ATRX: variants seen among roughly 807,000 people sequenced by gnomAD.
The protein encoded by ATRX is chromatin remodeler ATRX.
Under a neutral mutation model 172.6 loss-of-function variants are expected in ATRX, and 12 were observed. The ratio of observed to expected loss-of-function variants is 0.07; its 90% confidence interval spans 0.04 to 0.11. The LOEUF (loss-of-function observed/expected upper bound fraction) is 0.11, where lower values mean the gene tolerates loss of function less well. Ranked by LOEUF, ATRX falls within the 10% of genes least tolerant of loss-of-function variation. ATRX has a pLI of 1.00. For synonymous variants in ATRX, 674 were observed against 594.7 expected, an observed-to-expected ratio of 1.13 and a Z score of -1.94; for missense variants, 1,368 against 1,767.4, an observed-to-expected ratio of 0.77 and a Z score of 4.05.
chrX:77,766,453 C>T (rs1196210101), intron 1 of ATRX, among the ~76,000 whole-genome samples: 4 of 107,858 alleles, frequency 3.7e-5, no homozygotes, highest in African/African-American at 1.4e-4. Context: ...AGGGGCTCCT[C>T]AATTCTCAGA....
At chrX:77,573,451 A>G (rs1417919340) in intron 28 of ATRX, among the ~76,000 whole-genome samples, 1 of 111,769 alleles carries the variant, frequency 8.9e-6, no homozygotes, top group Non-Finnish European at 1.9e-5. Context: ...TTCCAAATGT[A>G]GCTTGATTTT....
intron 15 of ATRX, among the ~76,000 whole-genome samples, chrX:77,640,515 GC>G (rs2068603004): frequency 9.0e-6 from 1 of 111,188 alleles, no homozygotes; most frequent in South Asian, 3.8e-4. Context: ...CCAAACTTCT[GC>G]TTCCAGTCAT....
In ATRX at chrX:77,508,161, C is replaced by A; in HGVS notation, c.*190G>T. 1 of 465,518 alleles carries A rather than the reference C, an allele frequency of 2.1e-6. No individual in the cohort carries two copies. Among genetic ancestry groups the A allele is most frequent in the Non-Finnish European group, 3.5e-6 (1 of 282,611 alleles). 38.4% of individuals were successfully genotyped at this position (465,518 alleles called of 1,213,427 possible). On this transcript the variant is annotated 3_prime_UTR_variant, in exon 35 of 35. Transcript: ENST00000373344. The stretch of plus-strand genomic sequence containing the variant: ...GCGTGTGTAAGAAGATTCTAGGCAA[C>A]ATCACTGACAAATGTCAGGAAGAAA...
chrX:77,613,371 A>AT (rs2067236592), intron 22 of ATRX, among the ~76,000 whole-genome samples: 1 of 109,114 alleles, frequency 9.2e-6, no homozygotes, highest in African/African-American at 3.3e-5. Flanking sequence ...TTATGTGCTT[A>AT]TTGGCCATTT....
chrX:77,517,158 T>C (rs1259485805), intron 34 of ATRX, among the ~76,000 whole-genome samples: 2 of 109,401 alleles, frequency 1.8e-5, no homozygotes, highest in Non-Finnish European at 3.8e-5. Flanking sequence ...CCAATGCATC[T>C]TAAAGAACTA....
chrX:77,649,080 C>G (rs782524787), intron 15 of ATRX, among the ~76,000 whole-genome samples: 3 of 110,406 alleles, frequency 2.7e-5, no homozygotes. Context: ...AAGAGGATTG[C>G]TTGAGCCCAG....
At chrX:77,515,397 A>G (rs2147704026) in intron 34 of ATRX, among the ~76,000 whole-genome samples, 1 of 111,328 alleles carries the variant, frequency 9.0e-6, no homozygotes, top group South Asian at 3.9e-4. Context: ...ATAAAAAATA[A>G]AAATAAAGAA....
intron 30 of ATRX, among the ~76,000 whole-genome samples, chrX:77,536,810 T>C (rs2063762618): frequency 1.8e-5 from 2 of 111,478 alleles, no homozygotes; most frequent in Non-Finnish European, 3.8e-5. Context: ...CAGAGGTAAA[T>C]TTAATGGAAT....
chrX:77,584,028 C>T (rs1473954685), intron 27 of ATRX, among the ~76,000 whole-genome samples: 1 of 111,422 alleles, frequency 9.0e-6, no homozygotes, highest in Non-Finnish European at 1.9e-5. Context: ...AATAAAGAAA[C>T]TTACAAATTA....
chrX:77,542,884 A>C (rs1180421187), intron 30 of ATRX, among the ~76,000 whole-genome samples: 1 of 112,115 alleles, frequency 8.9e-6, no homozygotes, highest in Non-Finnish European at 1.9e-5. Flanking sequence ...AACCTAGGCA[A>C]TACCATTCAG....
chrX:77,690,211 G>A (rs1196620855), intron 6 of ATRX, among the ~76,000 whole-genome samples: 2 of 110,849 alleles, frequency 1.8e-5, no homozygotes, highest in African/African-American at 6.6e-5. Flanking sequence ...GAGTAGCTGG[G>A]ACTATAGGCA....
At chrX:77,776,342 TAA>T (rs202114474) in intron 1 of ATRX, among the ~76,000 whole-genome samples, 6,502 of 111,855 alleles carry the variant, frequency 0.058, 294 homozygotes, top group East Asian at 0.37. Flanking sequence ...AATAAAGACA[TAA>T]GTGCTTTATG....
chrX:77,690,897 A>T (rs781932294), intron 6 of ATRX: 1 of 112,131 alleles, frequency 8.9e-6, no homozygotes, highest in South Asian at 3.7e-4. Flanking sequence ...GTGCACAAGG[A>T]ATCAAATATA....
chrX:77,764,510 C>T (rs782470563), intron 1 of ATRX, among the ~76,000 whole-genome samples: 14 of 112,245 alleles, frequency 1.2e-4, no homozygotes, highest in Non-Finnish European at 1.3e-4. Context: ...TTTTTCACAA[C>T]AAAAACCCAC....
intron 10 of ATRX, among the ~76,000 whole-genome samples, chrX:77,667,902 T>C (rs996244242): frequency 1.3e-4 from 15 of 111,780 alleles, no homozygotes; most frequent in African/African-American, 4.2e-4. Flanking sequence ...TCACAAATTA[T>C]ATACAGAGTG....
intron 10 of ATRX, 140 bp from the exon 11 acceptor site, chrX:77,664,918 A>G (rs1042282237): frequency 3.2e-6 from 2 of 624,293 alleles, no homozygotes; most frequent in South Asian, 3.1e-5. Context: ...AACAACTAGC[A>G]AAACCATGTT....
chrX:77,735,598 C>CTAACTAAA (rs1436909241), intron 1 of ATRX, among the ~76,000 whole-genome samples: 1 of 60,133 alleles, frequency 1.7e-5, no homozygotes, highest in Middle Eastern at 8.2e-3. Context: ...TCTCAAAAAA[C>CTAACTAAA]TAAATAAATA....
At chrX:77,689,358 A>T (rs1803893239) in intron 6 of ATRX, among the ~76,000 whole-genome samples, 1 of 112,193 alleles carries the variant, frequency 8.9e-6, no homozygotes, top group Non-Finnish European at 1.9e-5. Flanking sequence ...TTTTATTCTC[A>T]TTGGAATTGT....
chrX:77,586,555 A>G (rs1000079203), intron 27 of ATRX, among the ~76,000 whole-genome samples: 1 of 112,114 alleles, frequency 8.9e-6, no homozygotes, highest in Non-Finnish European at 1.9e-5. Context: ...CTATTAAGAA[A>G]GGTTTTAGTT....
Sources: allele counts gnomAD v4.1 joint callset (sites outside exome capture counted in the v4.1 genomes callset), GRCh38; gene constraint gnomAD v4.1.1; transcripts MANE v1.5; gene names NCBI Gene and HGNC (gene_info 2026-07-23, HGNC 2026-07-21).